Variants in CAMK2D observed in about 807,000 individuals in gnomAD.
CAMK2D encodes the protein calcium/calmodulin dependent protein kinase II delta.
Under a neutral mutation model 84.0 loss-of-function variants are expected in CAMK2D, and 37 were observed. The ratio of observed to expected loss-of-function variants is 0.44; its 90% CI spans 0.34 to 0.58. CAMK2D has a LOEUF of 0.58. Ranked by LOEUF, CAMK2D falls within the 20% of genes least tolerant of loss-of-function variation. The probability of loss-of-function intolerance (pLI) is 0.02; values close to 1 mark genes in which losing one functional copy is unlikely to be tolerated. For synonymous variants in CAMK2D, 202 were observed against 212.5 expected (o/e 0.95, Z 0.43); for missense variants, 448 against 652.5 (o/e 0.69, Z 3.41).
chr4:113,624,854 T>C (rs532518064), intron 3 of CAMK2D, among the ~76,000 whole-genome samples: 2 of 152,292 alleles, frequency 1.3e-5, no homozygotes, highest in South Asian at 4.1e-4. Context: ...TAACCTATAA[T>C]CAACAAATAG....
At chr4:113,548,277 T>C (rs2098598498) in intron 5 of CAMK2D, among the ~76,000 whole-genome samples, 1 of 152,230 alleles carries the variant, frequency 6.6e-6, no homozygotes, top group African/African-American at 2.4e-5. Flanking sequence ...GTTGTTCTGC[T>C]ACAGCAACCC....
chr4:113,552,219 T>C (rs1195123537), intron 4 of CAMK2D, 123 bp from the exon 5 acceptor site: 6 of 558,384 alleles, frequency 1.1e-5, no homozygotes, highest in Non-Finnish European at 1.9e-5. Flanking sequence ...CAAAACTTTT[T>C]AAAACATGAG....
chr4:113,756,119 T>C (rs748621920), intron 2 of CAMK2D, among the ~76,000 whole-genome samples: 9 of 151,938 alleles, frequency 5.9e-5, no homozygotes, highest in Non-Finnish European at 8.8e-5. Context: ...CCAAATATGG[T>C]ATGTATGACT....
chr4:113,732,008 T>C (rs1199979473), intron 2 of CAMK2D, among the ~76,000 whole-genome samples: 1 of 152,148 alleles, frequency 6.6e-6, no homozygotes, highest in Non-Finnish European at 1.5e-5. Context: ...GTTAAACACT[T>C]TCTGGGTGAT....
At chr4:113,603,916 A>G (rs934606407) in intron 4 of CAMK2D, among the ~76,000 whole-genome samples, 1 of 150,152 alleles carries the variant, frequency 6.7e-6, no homozygotes, top group African/African-American at 2.4e-5. Flanking sequence ...GCAACATAGC[A>G]AGACCCCATC....
chr4:113,577,295 C>T (rs1045115673), intron 4 of CAMK2D, among the ~76,000 whole-genome samples: 1 of 151,922 alleles, frequency 6.6e-6, no homozygotes, highest in Admixed American at 6.6e-5. Flanking sequence ...TGTGTTCTTT[C>T]GATATACAGA....
At chr4:113,585,926 G>C (rs1393740744) in intron 4 of CAMK2D, among the ~76,000 whole-genome samples, 1 of 152,158 alleles carries the variant, frequency 6.6e-6, no homozygotes, top group African/African-American at 2.4e-5. Context: ...TATTCACCTA[G>C]ACTACCCACT....
intron 2 of CAMK2D, among the ~76,000 whole-genome samples, chr4:113,679,996 C>T (rs778596108): frequency 2.0e-5 from 3 of 152,104 alleles, no homozygotes; most frequent in South Asian, 2.1e-4. Flanking sequence ...ATGAAACAAG[C>T]CCATTATAAA....
intron 2 of CAMK2D, among the ~76,000 whole-genome samples, chr4:113,680,031 G>A (rs2099336495): frequency 6.6e-6 from 1 of 151,906 alleles, no homozygotes; most frequent in Non-Finnish European, 1.5e-5. Context: ...TGTGGCTTGA[G>A]GATTTCCCTT....
At chr4:113,548,538 C>A in intron 5 of CAMK2D, 1 of 560,018 alleles carries the variant, frequency 1.8e-6, no homozygotes, top group South Asian at 2.5e-5. Context: ...ATCATTTACT[C>A]ATTTTAGAAA....
intron 2 of CAMK2D, among the ~76,000 whole-genome samples, chr4:113,676,392 A>G (rs554234804): frequency 6.6e-6 from 1 of 152,294 alleles, no homozygotes; most frequent in African/African-American, 2.4e-5. Flanking sequence ...TTTCTAGATT[A>G]TTCAGTGTCT....
rs76943897 is a variant in CAMK2D at position 113,707,758 on chromosome 4, A to C, written c.161-45986T>G. Among the ~76,000 whole-genome samples the C allele has an allele frequency of 7.5e-3, 1,139 of 152,292 alleles. 15 individuals are homozygous for C. Among genetic ancestry groups the C allele is most frequent in the African/African-American group, 0.026 (1,063 of 41,560 alleles). On this transcript the variant is annotated intron_variant, in intron 2 of 20. Transcript: ENST00000511664. ...CGAAAATTGCTGTAAATCAAACCAT[A>C]ATGTGAGGCAATAGGTAAGATTTTT...
At chr4:113,559,574 C>T (rs572365986) in intron 4 of CAMK2D, among the ~76,000 whole-genome samples, 1 of 152,316 alleles carries the variant, frequency 6.6e-6, no homozygotes, top group South Asian at 2.1e-4. Context: ...ACTGAAACAG[C>T]CTAGGAATCC....
intron 4 of CAMK2D, among the ~76,000 whole-genome samples, chr4:113,566,550 G>A (rs2098724893): frequency 6.6e-6 from 1 of 152,138 alleles, no homozygotes; most frequent in African/African-American, 2.4e-5. Flanking sequence ...AGAACACACA[G>A]CATAATATCT....
At chr4:113,724,587 A>T (rs1050050781) in intron 2 of CAMK2D, among the ~76,000 whole-genome samples, 3 of 151,710 alleles carry the variant, frequency 2.0e-5, no homozygotes, top group African/African-American at 7.2e-5. Flanking sequence ...AAAGCCTCCC[A>T]ATCTCTTGGA....
intron 2 of CAMK2D, among the ~76,000 whole-genome samples, chr4:113,750,879 G>T (rs965636628): frequency 2.0e-5 from 3 of 152,164 alleles, no homozygotes; most frequent in African/African-American, 7.2e-5. Context: ...AACTACTTGG[G>T]CATGGTGCCA....
At chr4:113,711,586 A>G (rs979692369) in intron 2 of CAMK2D, among the ~76,000 whole-genome samples, 4 of 152,196 alleles carry the variant, frequency 2.6e-5, no homozygotes, top group African/African-American at 9.6e-5. Context: ...TTGGTTTACA[A>G]TGAAATGGTT....
chr4:113,692,132 C>G (rs1404243913), intron 2 of CAMK2D, among the ~76,000 whole-genome samples: 1 of 152,174 alleles, frequency 6.6e-6, no homozygotes, highest in Non-Finnish European at 1.5e-5. Context: ...AAGGTTCTTT[C>G]ATAAATTCCA....
At chr4:113,731,030 A>G (rs756003337) in intron 2 of CAMK2D, among the ~76,000 whole-genome samples, 10 of 152,210 alleles carry the variant, frequency 6.6e-5, no homozygotes, top group Non-Finnish European at 1.3e-4. Context: ...ACTGAAACTC[A>G]TATAACCCTC....
Sources: allele counts gnomAD v4.1 joint callset (sites outside exome capture counted in the v4.1 genomes callset), GRCh38; gene constraint gnomAD v4.1.1; transcripts MANE v1.5; gene names NCBI Gene and HGNC (gene_info 2026-07-23, HGNC 2026-07-21).